The following RAB27A variants were observed in gnomAD, a reference collection of about 807,000 sequenced individuals.
RAB27A encodes RAB27A, member RAS oncogene family, also known as ras-related protein Rab-27A.
RAB27A carries 17 observed loss-of-function variants against 20.8 expected under a neutral mutation model. The ratio of observed to expected loss-of-function variants is 0.82; its 90% CI spans 0.56 to 1.23. RAB27A has a LOEUF of 1.23. RAB27A is among the 50% of genes most tolerant of loss of function. The pLI, the probability that RAB27A is intolerant of heterozygous loss-of-function variation, is 0.00. For missense variants in RAB27A, 277 were observed against 266.7 expected (o/e 1.04, Z -0.27); for synonymous variants, 85 against 92.8 (o/e 0.92, Z 0.48).
chr15:55,211,287 G>A (rs1444421859), intron 6 of RAB27A, among the ~76,000 whole-genome samples: 1 of 152,040 alleles, frequency 6.6e-6, no homozygotes, highest in Admixed American at 6.6e-5. Flanking sequence ...CGATATTTGT[G>A]AAGAATATTA....
At chr15:55,248,447 C>T (rs2141028322) in intron 2 of RAB27A, among the ~76,000 whole-genome samples, 1 of 152,298 alleles carries the variant, frequency 6.6e-6, no homozygotes, top group East Asian at 1.9e-4. Flanking sequence ...ATATCAACTT[C>T]AAGGTGTTCA....
chr15:55,259,533 C>T (rs1371263990), intron 2 of RAB27A, among the ~76,000 whole-genome samples: 5 of 152,030 alleles, frequency 3.3e-5, no homozygotes, highest in Non-Finnish European at 7.4e-5. Flanking sequence ...GTGATCCTCC[C>T]ACCTCAGCCT....
intron 1 of RAB27A, among the ~76,000 whole-genome samples, chr15:55,285,457 C>G (rs2141128214): frequency 6.6e-6 from 1 of 152,200 alleles, no homozygotes. Flanking sequence ...AGAGTCCAAA[C>G]AGAGCTGAAT....
chr15:55,272,159 G>T (rs1487553125), intron 1 of RAB27A, among the ~76,000 whole-genome samples: 1 of 152,136 alleles, frequency 6.6e-6, no homozygotes, highest in Non-Finnish European at 1.5e-5. Context: ...CTTTCAAAAT[G>T]CTAATTCTGA....
At chr15:55,267,939 C>G (rs1407417714) in intron 2 of RAB27A, among the ~76,000 whole-genome samples, 1 of 152,104 alleles carries the variant, frequency 6.6e-6, no homozygotes. Flanking sequence ...GCAGCAGAAG[C>G]ACCAAGAAAG....
At chr15:55,269,155 T>C (rs532105433) in intron 2 of RAB27A, among the ~76,000 whole-genome samples, 1 of 152,206 alleles carries the variant, frequency 6.6e-6, no homozygotes, top group Non-Finnish European at 1.5e-5. Context: ...ATTTCTGTTT[T>C]TGAAATCACA....
intron 2 of RAB27A, among the ~76,000 whole-genome samples, chr15:55,250,722 C>G (rs1896858119): frequency 6.6e-6 from 1 of 152,194 alleles, no homozygotes; most frequent in African/African-American, 2.4e-5. Context: ...AAGGGCTATT[C>G]TGGGTTTGGG....
chr15:55,210,656 T>G (rs1282581451), intron 6 of RAB27A, among the ~76,000 whole-genome samples: 4 of 152,184 alleles, frequency 2.6e-5, no homozygotes, highest in African/African-American at 9.7e-5. Flanking sequence ...CCCTTATATA[T>G]TCTCGTTATT....
At chr15:55,273,051 G>A (rs1213813057) in intron 1 of RAB27A, among the ~76,000 whole-genome samples, 1 of 152,004 alleles carries the variant, frequency 6.6e-6, no homozygotes, top group Admixed American at 6.6e-5. Flanking sequence ...GAACAAAATG[G>A]CATAGTAAGT....
intron 1 of RAB27A, among the ~76,000 whole-genome samples, chr15:55,277,608 G>A (rs925639839): frequency 2.4e-4 from 36 of 151,998 alleles, no homozygotes; most frequent in African/African-American, 4.8e-4. Flanking sequence ...TACCCCTTCC[G>A]ATGCACTGTT....
At position 55,230,290 on chromosome 15, in the gene RAB27A, A is replaced by G. The variant is rs1895977275; in HGVS notation, c.239+111T>C. On this transcript the variant is annotated intron_variant, in intron 4 of 6. Coordinates refer to ENST00000336787, the MANE Select transcript of RAB27A (RefSeq NM_183235.3). ...ATTTCCTGCTAATTTGGCAGCATTC[A>G]AGTGCAAACCAACGAATTGGCTGGC... 7 of 1,017,584 alleles carry G rather than the reference A, an allele frequency of 6.9e-6. No individual in the cohort carries two copies. The Admixed American group carries it at 1.0e-4, about 15-fold the overall frequency. 63.0% of individuals were successfully genotyped at this position (1,017,584 alleles called of 1,614,324 possible).
intron 6 of RAB27A, among the ~76,000 whole-genome samples, chr15:55,210,896 A>C (rs909231192): frequency 2.0e-5 from 3 of 152,112 alleles, no homozygotes; most frequent in Non-Finnish European, 2.9e-5. Flanking sequence ...TCATAGTTTC[A>C]AGTCCGATAT....
intron 4 of RAB27A, among the ~76,000 whole-genome samples, chr15:55,229,708 A>T (rs1406105306): frequency 1.3e-5 from 2 of 152,134 alleles, no homozygotes; most frequent in Non-Finnish European, 2.9e-5. Context: ...GAGCTACATT[A>T]CCACAAGTAT....
intron 6 of RAB27A, among the ~76,000 whole-genome samples, chr15:55,217,663 C>CAAAAAAAAAAAAAA (rs199813098): frequency 1.1e-4 from 5 of 43,550 alleles, no homozygotes; most frequent in Non-Finnish European, 1.7e-4. Context: ...CACTCCATCT[C>CAAAAAAAAAAAAAA]AAAAAAAAAA....
chr15:55,286,853 G>C (rs1898167495), intron 1 of RAB27A, among the ~76,000 whole-genome samples: 1 of 150,022 alleles, frequency 6.7e-6, no homozygotes, highest in Non-Finnish European at 1.5e-5. Flanking sequence ...TGACAGAGAT[G>C]ATAGAACTTG....
intron 2 of RAB27A, among the ~76,000 whole-genome samples, chr15:55,259,263 T>G (rs992110606): frequency 6.6e-6 from 1 of 152,146 alleles, no homozygotes; most frequent in African/African-American, 2.4e-5. Context: ...AATTTATTCT[T>G]TTTTATAGTT....
intron 6 of RAB27A, among the ~76,000 whole-genome samples, chr15:55,214,188 G>A (rs1159368461): frequency 6.6e-6 from 1 of 152,232 alleles, no homozygotes; most frequent in African/African-American, 2.4e-5. Flanking sequence ...TGTAATCCCA[G>A]CACTTTGGGA....
chr15:55,226,525 G>A (rs1259630091), intron 5 of RAB27A, among the ~76,000 whole-genome samples: 1 of 152,086 alleles, frequency 6.6e-6, no homozygotes, highest in African/African-American at 2.4e-5. Context: ...GTGTGTGTGT[G>A]TGTGTGTGTG....
At chr15:55,261,004 G>T (rs140654233) in intron 2 of RAB27A, among the ~76,000 whole-genome samples, 82 of 151,820 alleles carry the variant, frequency 5.4e-4, no homozygotes, top group Admixed American at 1.1e-3. Context: ...TGTTGATAGT[G>T]GGGGAGGCTA....
Sources: gnomAD v4.1 joint callset for allele counts (sites outside exome capture counted in the v4.1 genomes callset) on GRCh38, gnomAD v4.1.1 for gene constraint, MANE v1.5 for transcripts, NCBI Gene and HGNC (gene_info 2026-07-23, HGNC 2026-07-21) for gene names.